The following THEMIS variants were observed in gnomAD, a reference collection of about 807,000 sequenced individuals.
THEMIS encodes thymocyte selection associated, also known as protein THEMIS.
In THEMIS, 37 loss-of-function variants were observed where a neutral mutation model predicts 52.6. The observed-to-expected ratio is 0.70, with a 90% confidence interval of 0.54 to 0.93. The LOEUF (loss-of-function observed/expected upper bound fraction) is 0.93, where lower values mean the gene tolerates loss of function less well. Ranked by LOEUF, THEMIS falls within the 40% of genes least tolerant of loss-of-function variation. THEMIS has a pLI of 0.00. For synonymous variants in THEMIS, 292 were observed against 272.7 expected (o/e 1.07, Z -0.70); for missense variants, 808 against 763.1 (o/e 1.06, Z -0.69).
intron 2 of THEMIS, among the ~76,000 whole-genome samples, chr6:127,832,306 CTG>C (rs1778721904): frequency 6.6e-6 from 1 of 152,150 alleles, no homozygotes; most frequent in African/African-American, 2.4e-5. Context: ...GTCTGTGAAT[CTG>C]TGCTTTTCCT....
intron 1 of THEMIS, among the ~76,000 whole-genome samples, chr6:127,891,283 C>A (rs926257653): frequency 6.6e-6 from 1 of 152,008 alleles, no homozygotes; most frequent in Non-Finnish European, 1.5e-5. Context: ...GTAATCCCAG[C>A]AGTTTGGGAG....
chr6:127,837,055 A>G (rs1316499570), intron 2 of THEMIS, among the ~76,000 whole-genome samples: 1 of 152,146 alleles, frequency 6.6e-6, no homozygotes, highest in Non-Finnish European at 1.5e-5. Context: ...AAGATAAACA[A>G]ATTGGGGTTT....
At chr6:127,769,229 C>T (rs1208069113) in intron 4 of THEMIS, among the ~76,000 whole-genome samples, 1 of 152,088 alleles carries the variant, frequency 6.6e-6, no homozygotes, top group Non-Finnish European at 1.5e-5. Flanking sequence ...TTGTGTAAGT[C>T]ATTTGAATTG....
intron 4 of THEMIS, among the ~76,000 whole-genome samples, chr6:127,756,363 C>T (rs987950558): frequency 6.6e-6 from 1 of 152,248 alleles, no homozygotes; most frequent in Non-Finnish European, 1.5e-5. Context: ...GTATGATAGT[C>T]TCTAACAGAA....
Position 127,860,516 on chromosome 6 carries a change from C to T in THEMIS, c.92-5328G>A, listed in dbSNP as rs1437088613. 5.9e-5 allele frequency among the ~76,000 whole-genome samples: 9 copies of T among 152,034 alleles called. No homozygotes were observed. The East Asian group carries it at 1.7e-3, about 29-fold the overall frequency. On this transcript the variant is annotated intron_variant, in intron 1 of 5. Coordinates refer to ENST00000368248, the MANE Select transcript of THEMIS (RefSeq NM_001010923.3). ...ACCTCTAAGAATATAGGATTTTTCT[C>T]GTGAATTGGGGGTTTAAGTATTATC...
chr6:127,830,206 GA>G, intron 2 of THEMIS, among the ~76,000 whole-genome samples: 1 of 152,276 alleles, frequency 6.6e-6, no homozygotes, highest in East Asian at 1.9e-4. Flanking sequence ...TTGGAAATGG[GA>G]AATCTGGATG....
At chr6:127,809,449 T>G (rs575361997) in intron 4 of THEMIS, among the ~76,000 whole-genome samples, 1 of 152,160 alleles carries the variant, frequency 6.6e-6, no homozygotes, top group Non-Finnish European at 1.5e-5. Flanking sequence ...CCTGCCTTCA[T>G]GGTAAAAAAT....
intron 2 of THEMIS, among the ~76,000 whole-genome samples, chr6:127,845,487 C>T (rs1779182948): frequency 6.6e-6 from 1 of 151,830 alleles, no homozygotes; most frequent in Admixed American, 6.6e-5. Context: ...ACACTCAGGT[C>T]CACAGTAACC....
intron 4 of THEMIS, among the ~76,000 whole-genome samples, chr6:127,745,912 T>C (rs1775372727): frequency 6.6e-6 from 1 of 151,860 alleles, no homozygotes; most frequent in African/African-American, 2.4e-5. Flanking sequence ...TATGTTTACT[T>C]AAAGGGAAAA....
intron 4 of THEMIS, among the ~76,000 whole-genome samples, chr6:127,725,161 A>G (rs949325700): frequency 1.3e-5 from 2 of 152,096 alleles, no homozygotes; most frequent in African/African-American, 4.8e-5. Context: ...CTGCTTATAT[A>G]AACACTGCTA....
At chr6:127,789,822 A>G (rs1777098650) in intron 4 of THEMIS, among the ~76,000 whole-genome samples, 1 of 152,208 alleles carries the variant, frequency 6.6e-6, no homozygotes, top group Non-Finnish European at 1.5e-5. Context: ...GATATAACTC[A>G]ACACCCCTTC....
chr6:127,787,619 T>C (rs1239850046), intron 4 of THEMIS, among the ~76,000 whole-genome samples: 1 of 152,218 alleles, frequency 6.6e-6, no homozygotes, highest in Non-Finnish European at 1.5e-5. Context: ...TTTTTGAATG[T>C]ATCATAGAGA....
At chr6:127,908,786 T>C (rs1781340004) in intron 1 of THEMIS, among the ~76,000 whole-genome samples, 1 of 152,114 alleles carries the variant, frequency 6.6e-6, no homozygotes, top group Non-Finnish European at 1.5e-5. Context: ...ATGCCCACTT[T>C]AACAGCTCTT....
At chr6:127,786,345 C>T (rs1305635564) in intron 4 of THEMIS, among the ~76,000 whole-genome samples, 6 of 152,116 alleles carry the variant, frequency 3.9e-5, no homozygotes, top group Non-Finnish European at 5.9e-5. Context: ...TTATCAACTG[C>T]TATGGTCTGA....
chr6:127,867,804 C>T (rs868400315), intron 1 of THEMIS, among the ~76,000 whole-genome samples: 4 of 152,036 alleles, frequency 2.6e-5, no homozygotes, highest in Non-Finnish European at 4.4e-5. Flanking sequence ...ATTGTCTTAT[C>T]GAGGAAAAAT....
chr6:127,792,431 G>A lies in THEMIS; in HGVS notation c.1758+20452C>T, dbSNP rs145323939. 3.4e-4 allele frequency among the ~76,000 whole-genome samples: 52 copies of A among 152,182 alleles called. No homozygotes were observed. In the East Asian group the frequency reaches 9.3e-3, roughly 27 times the overall value. On this transcript the variant is annotated intron_variant, in intron 4 of 5. Coordinates refer to ENST00000368248, the MANE Select transcript of THEMIS (RefSeq NM_001010923.3). ...GTGATAATGATACCTATCTCACAGGGTTCTGTTACATGGGTCAAATAGAAA... is the reference window on the plus strand; with the variant it reads ...GTGATAATGATACCTATCTCACAGGATTCTGTTACATGGGTCAAATAGAAA...
intron 3 of THEMIS, among the ~76,000 whole-genome samples, chr6:127,826,244 T>TCTGGGCTAA (rs1778502413): frequency 6.6e-6 from 1 of 152,188 alleles, no homozygotes; most frequent in Non-Finnish European, 1.5e-5. Flanking sequence ...GGTTTGCTGA[T>TCTGGGCTAA]AACATTGTTA....
chr6:127,774,982 C>T (rs960443563), intron 4 of THEMIS, among the ~76,000 whole-genome samples: 2 of 152,132 alleles, frequency 1.3e-5, no homozygotes, highest in African/African-American at 4.8e-5. Context: ...TACATACCTC[C>T]ACTTAAAAAG....
chr6:127,811,561 T>A (rs1777908444), intron 4 of THEMIS, among the ~76,000 whole-genome samples: 1 of 152,210 alleles, frequency 6.6e-6, no homozygotes. Context: ...ATGTCCTTAA[T>A]TTTAAGCACA....
Sources: allele counts gnomAD v4.1 joint callset (sites outside exome capture counted in the v4.1 genomes callset), GRCh38; gene constraint gnomAD v4.1.1; transcripts MANE v1.5; gene names NCBI Gene and HGNC (gene_info 2026-07-23, HGNC 2026-07-21).